Variants in GALNTL6 observed in about 807,000 individuals in gnomAD.
GALNTL6 encodes polypeptide N-acetylgalactosaminyltransferase like 6, also known as polypeptide N-acetylgalactosaminyltransferase-like 6.
In GALNTL6, 46 loss-of-function variants were observed where a neutral mutation model predicts 73.7. The ratio of observed to expected loss-of-function variants is 0.62; its 90% CI spans 0.49 to 0.80. GALNTL6 has a LOEUF of 0.80. GALNTL6 is among the 30% of genes least tolerant of loss of function. The pLI, the probability that GALNTL6 is intolerant of heterozygous loss-of-function variation, is 0.00. For synonymous variants in GALNTL6, 259 were observed against 263.7 expected (o/e 0.98, Z 0.17); for missense variants, 604 against 755.0 (o/e 0.80, Z 2.34).
intron 2 of GALNTL6, among the ~76,000 whole-genome samples, chr4:171,945,772 T>G (rs7695994): frequency 0.25 from 37,810 of 152,022 alleles, 4,824 homozygotes; most frequent in Middle Eastern, 0.33. Flanking sequence ...CACATTTAAT[T>G]GTTTTTCAGT....
At chr4:171,907,730 C>A (rs1737337325) in intron 2 of GALNTL6, among the ~76,000 whole-genome samples, 1 of 151,186 alleles carries the variant, frequency 6.6e-6, no homozygotes, top group African/African-American at 2.5e-5. Context: ...CATCACACTA[C>A]CTGACTTCAA....
intron 2 of GALNTL6, among the ~76,000 whole-genome samples, chr4:172,131,474 T>G (rs1231471278): frequency 2.5e-5 from 3 of 118,946 alleles, no homozygotes; most frequent in African/African-American, 1.0e-4. Flanking sequence ...TACATATGTA[T>G]ACATGTATAT....
At chr4:172,003,281 TTTTA>T (rs1740734154) in intron 2 of GALNTL6, among the ~76,000 whole-genome samples, 1 of 152,134 alleles carries the variant, frequency 6.6e-6, no homozygotes, top group South Asian at 2.1e-4. Context: ...TCTATCAAGA[TTTTA>T]TTTCTTTAGG....
intron 2 of GALNTL6, among the ~76,000 whole-genome samples, chr4:172,101,493 A>T (rs1732518850): frequency 6.6e-6 from 1 of 152,182 alleles, no homozygotes; most frequent in African/African-American, 2.4e-5. Context: ...CAAAAAATAA[A>T]TGCTTACTGG....
intron 10 of GALNTL6, among the ~76,000 whole-genome samples, chr4:172,963,493 G>C (rs1750181158): frequency 6.6e-6 from 1 of 152,222 alleles, no homozygotes; most frequent in Admixed American, 6.5e-5. Context: ...TTGTTGGTTT[G>C]TTGTGTTGCT....
intron 5 of GALNTL6, among the ~76,000 whole-genome samples, chr4:172,490,233 T>A (rs1296531738): frequency 1.3e-5 from 2 of 152,208 alleles, no homozygotes; most frequent in South Asian, 2.1e-4. Flanking sequence ...TGACCTGAAG[T>A]CTTTTGTGTT....
At chr4:172,200,263 A>G (rs1001064207) in intron 2 of GALNTL6, among the ~76,000 whole-genome samples, 4 of 152,040 alleles carry the variant, frequency 2.6e-5, no homozygotes, top group Non-Finnish European at 5.9e-5. Flanking sequence ...CAAACTTGAA[A>G]TTTTTCCCTT....
chr4:172,215,238 A>G (rs1736458704), intron 2 of GALNTL6, among the ~76,000 whole-genome samples: 1 of 152,130 alleles, frequency 6.6e-6, no homozygotes, highest in Admixed American at 6.6e-5. Flanking sequence ...TTGGGATTGA[A>G]TATTCTAAAA....
At chr4:172,674,210 C>T (rs992325712) in intron 5 of GALNTL6, among the ~76,000 whole-genome samples, 1 of 152,108 alleles carries the variant, frequency 6.6e-6, no homozygotes, top group South Asian at 2.1e-4. Context: ...TCTATTTCTC[C>T]TTTGCTTATG....
At chr4:171,969,777 T>C (rs1739504590) in intron 2 of GALNTL6, among the ~76,000 whole-genome samples, 1 of 151,610 alleles carries the variant, frequency 6.6e-6, no homozygotes, top group African/African-American at 2.4e-5. Flanking sequence ...ACTTTTTTTT[T>C]TTTTTTCCTT....
intron 2 of GALNTL6, among the ~76,000 whole-genome samples, chr4:172,107,296 T>C (rs1327483045): frequency 6.6e-6 from 1 of 152,184 alleles, no homozygotes; most frequent in Admixed American, 6.5e-5. Context: ...CTGTATGTAG[T>C]AGAAATATTT....
At chr4:172,013,902 C>T (rs992418850) in intron 2 of GALNTL6, among the ~76,000 whole-genome samples, 1 of 142,170 alleles carries the variant, frequency 7.0e-6, no homozygotes, top group Admixed American at 7.0e-5. Context: ...TACCATCCTT[C>T]TACTCTATAC....
chr4:172,015,958 T>G (rs1165354576), intron 2 of GALNTL6, among the ~76,000 whole-genome samples: 1 of 102,180 alleles, frequency 9.8e-6, no homozygotes, highest in African/African-American at 3.8e-5. Context: ...TTTTTTTTTG[T>G]AGGTTACCTG....
chr4:171,953,210 G>C (rs972778030), intron 2 of GALNTL6, among the ~76,000 whole-genome samples: 7 of 148,406 alleles, frequency 4.7e-5, no homozygotes, highest in Non-Finnish European at 1.0e-4. Context: ...AATTAAAATG[G>C]TGTGCGCATG....
intron 5 of GALNTL6, among the ~76,000 whole-genome samples, chr4:172,443,141 T>TAG (rs1393569417): frequency 1.7e-5 from 2 of 118,102 alleles, no homozygotes; most frequent in Non-Finnish European, 3.3e-5. Flanking sequence ...TATATATATA[T>TAG]ATATATATAT....
chr4:172,334,291 G>A (rs1387599287), intron 4 of GALNTL6, among the ~76,000 whole-genome samples: 2 of 152,132 alleles, frequency 1.3e-5, no homozygotes, highest in Admixed American at 6.5e-5. Context: ...GTGAAAAATG[G>A]TGTCGGCATT....
At chr4:172,495,120 A>G (rs557456667) in intron 5 of GALNTL6, among the ~76,000 whole-genome samples, 45 of 152,244 alleles carry the variant, frequency 3.0e-4, no homozygotes, top group African/African-American at 9.9e-4. Flanking sequence ...ATCAGAGTGG[A>G]TGCCTGGCAG....
chr4:171,986,881 AAGAGTGGC>A (rs759763394), intron 2 of GALNTL6, among the ~76,000 whole-genome samples: 1 of 152,220 alleles, frequency 6.6e-6, no homozygotes, highest in Non-Finnish European at 1.5e-5. Flanking sequence ...TTCAAGAGTT[AAGAGTGGC>A]AGTTTGGGAA....
chr4:172,487,351 T>TTTCTTTCC (rs1554029574), intron 5 of GALNTL6, among the ~76,000 whole-genome samples: 3,005 of 104,308 alleles, frequency 0.029, 66 homozygotes, highest in African/African-American at 0.043. Context: ...TCTTTCTTTC[T>TTTCTTTCC]TTCTTTCCTT....
Sources: gnomAD v4.1 joint callset for allele counts (sites outside exome capture counted in the v4.1 genomes callset) on GRCh38, gnomAD v4.1.1 for gene constraint, MANE v1.5 for transcripts, NCBI Gene and HGNC (gene_info 2026-07-23, HGNC 2026-07-21) for gene names.